Variants in RET observed in about 807,000 individuals in gnomAD.
RET encodes ret proto-oncogene.
A neutral mutation model predicts 118.3 loss-of-function variants in RET; 19 were observed. That is an observed-to-expected ratio of 0.16 (90% CI 0.11 to 0.24). The LOEUF (loss-of-function observed/expected upper bound fraction) is 0.24. Among genes scored for constraint, RET ranks in the 10% least tolerant of loss-of-function variants. The pLI, the probability that RET is intolerant of heterozygous loss-of-function variation, is 1.00. For missense variants in RET, 1,219 were observed against 1,502.1 expected (o/e 0.81, Z 3.12); for synonymous variants, 597 against 644.1 (o/e 0.93, Z 1.11).
rs12570104 is a variant in RET at position 43,103,881 on chromosome 10, C to A, written c.626-1071C>A. The stretch of plus-strand genomic sequence containing the variant: ...TCTGCCTGGGAGGCTTGTGGAGTTG[C>A]CCCCGCCTCCTTGGGGTGGGTTGTG... On this transcript the variant is annotated intron_variant, in intron 3 of 19. Transcript: ENST00000355710. Among the ~76,000 whole-genome samples, 653 of 152,312 alleles carry A rather than the reference C, an allele frequency of 4.3e-3. 11 individuals are homozygous for A. The highest frequency in any genetic ancestry group is 0.034 in the East Asian group (176 of 5,174).
chr10:43,122,116 TG>T, intron 16 of RET, 100 bp downstream of exon 16: 2 of 930,082 alleles, frequency 2.2e-6, no homozygotes, highest in South Asian at 1.3e-5. Flanking sequence ...GCCAGGGAAT[TG>T]CACTGGCCCT....
At chr10:43,113,426 C>T in intron 9 of RET, 130 bp from the exon 10 acceptor site, 2 of 1,130,504 alleles carry the variant, frequency 1.8e-6, no homozygotes, top group South Asian at 3.2e-5. Context: ...CTGCTGGGCC[C>T]CTGGCCTCAC....
chr10:43,085,938 T>C (rs1053813257), intron 1 of RET, among the ~76,000 whole-genome samples: 2 of 152,206 alleles, frequency 1.3e-5, no homozygotes, highest in Non-Finnish European at 2.9e-5. Context: ...TGAAACCTAC[T>C]GTCTCAGAGG....
rs141459368 is a variant in RET at position 43,119,739 on chromosome 10, G to T, written c.2601G>T (p.Glu867Asp). 3.0e-5 allele frequency: 49 copies of T among 1,613,180 alleles called. No individual in the cohort carries two copies. In the African/African-American group the frequency reaches 5.7e-4, roughly 19 times the overall value. ...QISQGMQYLA[E>D]MKLVHRDLAA... ...CACAGGGGATGCAGTATCTGGCCGAGATGAAGGTGCGTGCATATGGCTCTG... is the reference window on the plus strand; with the variant it reads ...CACAGGGGATGCAGTATCTGGCCGATATGAAGGTGCGTGCATATGGCTCTG... The change falls in exon 14 of 20, where the codon GAG becomes GAT. Residue 867 changes from glutamate to aspartate, a missense_variant. By Grantham distance (45) the Glu-to-Asp change is conservative. Coordinates refer to ENST00000355710, the MANE Select transcript of RET (RefSeq NM_020975.6).
At position 43,106,335 on chromosome 10, in the gene RET, C is replaced by G; in HGVS notation, c.868-41C>G. On this transcript the variant is annotated intron_variant, in intron 4 of 19. Coordinates refer to ENST00000355710, the MANE Select transcript of RET (RefSeq NM_020975.6). The surrounding 1 kb of genome is among the most constrained non-coding windows in gnomAD (Gnocchi z 5.1). ...TCTGGTTTTGGGGGGTCTGAGGGGC[C>G]CATCTCGCCTGCACTGACCAACGCC... 1 of 1,590,976 alleles carries G rather than the reference C, an allele frequency of 6.3e-7. No individual in the cohort carries two copies. Among genetic ancestry groups the G allele is most frequent in the Non-Finnish European group, 8.5e-7 (1 of 1,171,394 alleles).
At chr10:43,104,096 C>T (rs1837702597) in intron 3 of RET, among the ~76,000 whole-genome samples, 2 of 152,236 alleles carry the variant, frequency 1.3e-5, no homozygotes, top group African/African-American at 4.8e-5. Context: ...ATCCGGCCTT[C>T]AGAGGATGAC....
At chr10:43,089,729 T>C (rs1837371624) in intron 1 of RET, among the ~76,000 whole-genome samples, 1 of 152,186 alleles carries the variant, frequency 6.6e-6, no homozygotes. Context: ...CTGTCCCACC[T>C]GCTAACAGGC....
In RET at chr10:43,121,365, G is replaced by C. The variant is rs1048814728; in HGVS notation, c.2731-581G>C. 2.0e-5 allele frequency among the ~76,000 whole-genome samples: 3 copies of C among 152,146 alleles called. No homozygotes were observed. In the South Asian group the frequency reaches 6.2e-4, roughly 32 times the overall value. On this transcript the variant is annotated intron_variant, in intron 15 of 19. Coordinates refer to ENST00000355710, the MANE Select transcript of RET (RefSeq NM_020975.6). ...CTTCAGGCTTGTCTGTGGAGAAGCT[G>C]TTTCTCAAGTCACCCTGGAAAGGAT...
chr10:43,123,213 CTTCT>C (rs1838257170), intron 16 of RET, among the ~76,000 whole-genome samples: 2 of 152,078 alleles, frequency 1.3e-5, no homozygotes, highest in Non-Finnish European at 2.9e-5. Flanking sequence ...GCTTTTTTTC[CTTCT>C]AAGATTTTAT....
intron 7 of RET, 99 bp from the exon 8 acceptor site, chr10:43,112,000 C>T (rs996167287): frequency 1.1e-5 from 16 of 1,508,146 alleles, no homozygotes; most frequent in Admixed American, 7.8e-5. Flanking sequence ...GGGCTCCATC[C>T]GTGGGCAGCT....
Position 43,102,772 on chromosome 10 carries a change from C to T in RET, c.625+143C>T, listed in dbSNP as rs539080572. 7.9e-4 allele frequency: 804 copies of T among 1,019,184 alleles called. 8 individuals carry two copies. Among genetic ancestry groups the T allele is most frequent in the South Asian group, 5.8e-3 (412 of 71,262 alleles). The allele number at this position is 1,019,184 out of a possible 1,614,324, so 63.1% of individuals were successfully genotyped here. On this transcript the variant is annotated intron_variant, in intron 3 of 19. Coordinates refer to ENST00000355710, the MANE Select transcript of RET (RefSeq NM_020975.6). ...ATATTCCAGAAGTACCTCTTGCATG[C>T]CTGCCAGGGGCCAGGTACTGTTCTA...
At chr10:43,103,682 A>C (rs1461222609) in intron 3 of RET, among the ~76,000 whole-genome samples, 1 of 152,210 alleles carries the variant, frequency 6.6e-6, no homozygotes, top group African/African-American at 2.4e-5. Context: ...GATTCCTTTC[A>C]TTCTCTGGGG....
At chr10:43,098,708 C>T (rs940728189) in intron 1 of RET, among the ~76,000 whole-genome samples, 4 of 152,224 alleles carry the variant, frequency 2.6e-5, no homozygotes, top group South Asian at 4.1e-4. Context: ...AGGCGTGAGC[C>T]ACTGCGCCCG....
chr10:43,100,771 C>G (rs1183262570), intron 2 of RET, 49 bp downstream of exon 2: 4 of 1,534,900 alleles, frequency 2.6e-6, no homozygotes, highest in Non-Finnish European at 3.5e-6. Context: ...CCACCCCTTC[C>G]TCAAGCCGCC....
rs368500000 is a variant in RET at position 43,119,586 on chromosome 10, C to T, written c.2448C>T (p.Leu816=). 1.2e-6 allele frequency: 2 copies of T among 1,611,628 alleles called. No homozygotes were observed. The highest frequency in any genetic ancestry group is 1.7e-6 in the Non-Finnish European group (2 of 1,179,748). ...YAKYGSLRGF[L]RESRKVGPGY... is the part of the protein sequence containing the mutation. ...AATACGGCTCCCTGCGGGGCTTCCT[C>T]CGCGAGAGCCGCAAAGTGGGGCCTG... Residue 816 remains leucine (L), a synonymous_variant, in exon 14 of 20, where the codon CTC becomes CTT. Coordinates refer to ENST00000355710, the MANE Select transcript of RET (RefSeq NM_020975.6).
chr10:43,091,861 G>T (rs536507872), intron 1 of RET, among the ~76,000 whole-genome samples: 2 of 149,944 alleles, frequency 1.3e-5, no homozygotes, highest in Non-Finnish European at 3.0e-5. Context: ...TGTTGGTAAG[G>T]ATGTGAAGAA....
At chr10:43,081,274 A>C (rs1373321220) in intron 1 of RET, among the ~76,000 whole-genome samples, 1 of 140,820 alleles carries the variant, frequency 7.1e-6, no homozygotes. Context: ...CTATCTCCCC[A>C]CTCCTCTGCA....
intron 1 of RET, among the ~76,000 whole-genome samples, chr10:43,093,782 T>TC (rs1818754894): frequency 6.6e-6 from 1 of 152,050 alleles, no homozygotes; most frequent in Admixed American, 6.5e-5. Flanking sequence ...GAGCCAGACC[T>TC]TATGTAGAGT....
intron 1 of RET, among the ~76,000 whole-genome samples, chr10:43,096,907 G>A (rs1011194664): frequency 6.6e-5 from 10 of 152,226 alleles, no homozygotes; most frequent in African/African-American, 2.4e-4. Context: ...TGGACCATGT[G>A]TTTTTCCATC....
Sources: gnomAD v4.1 joint callset for allele counts (sites outside exome capture counted in the v4.1 genomes callset) on GRCh38, gnomAD v4.1.1 for gene constraint, Gnocchi (gnomAD v3.1) non-coding constraint, MANE v1.5 for transcripts, NCBI Gene and HGNC (gene_info 2026-07-23, HGNC 2026-07-21) for gene names.